The following SWAP70 variants were observed in gnomAD, a reference collection of about 807,000 sequenced individuals.
SWAP70 encodes the protein switch-associated protein 70.
A neutral mutation model predicts 80.2 loss-of-function variants in SWAP70; 34 were observed. The ratio of observed to expected loss-of-function variants is 0.42; its 90% CI spans 0.32 to 0.56. SWAP70 has a LOEUF of 0.56. SWAP70 is among the 20% of genes least tolerant of loss of function. The pLI is 0.09. For synonymous variants in SWAP70, 239 were observed against 238.5 expected, an observed-to-expected ratio of 1.00 and a Z score of -0.02; for missense variants, 578 against 690.7, an observed-to-expected ratio of 0.84 and a Z score of 1.83.
At chr11:9,715,862 T>G (rs1348104999) in intron 3 of SWAP70, among the ~76,000 whole-genome samples, 1 of 152,232 alleles carries the variant, frequency 6.6e-6, no homozygotes, top group African/African-American at 2.4e-5. Context: ...TTCCTGGAAC[T>G]GTTCTTCCTA....
In SWAP70 at chr11:9,664,233, A is replaced by C; in HGVS notation, c.54A>C (p.Ala18=). 1 of 1,595,296 alleles carries C rather than the reference A, an allele frequency of 6.3e-7. No homozygotes were observed. Among genetic ancestry groups the C allele is most frequent in the Non-Finnish European group, 8.5e-7 (1 of 1,171,622 alleles). The change falls in exon 1 of 12, where the codon GCA becomes GCC. Residue 18 remains alanine, a synonymous_variant. Coordinates refer to ENST00000318950, the MANE Select transcript of SWAP70 (RefSeq NM_015055.4). ...LLKAIWHAFT[A]LDQDHSGKVS... ...AAGCCATCTGGCACGCCTTCACCGC[A>C]CTCGACCAGGACCACAGCGGCAAGG...
chr11:9,744,119 C>T (rs367700174), intron 9 of SWAP70, among the ~76,000 whole-genome samples: 7 of 152,052 alleles, frequency 4.6e-5, no homozygotes, highest in Non-Finnish European at 1.0e-4. Flanking sequence ...CCTGCCACCA[C>T]GCCCAGCTAA....
At position 9,750,037 on chromosome 11, in the gene SWAP70, CAAAAG is replaced by C. The variant is rs1268351267; in HGVS notation, c.*71_*75del. The C allele has an allele frequency of 1.0e-5, 12 of 1,164,718 alleles. No individual in the cohort carries two copies. The highest frequency in any genetic ancestry group is 1.4e-5 in the Non-Finnish European group (11 of 787,144). The allele number at this position is 1,164,718 out of a possible 1,614,324, so 72.1% of individuals were successfully genotyped here. A position where few individuals can be genotyped will look rare whatever the true frequency, so the allele number is the denominator to read the frequency against. On this transcript the variant is annotated 3_prime_UTR_variant, in exon 12 of 12. Coordinates refer to ENST00000318950, the MANE Select transcript of SWAP70 (RefSeq NM_015055.4). Reference sequence around the variant, plus strand: ...TGGCAGGAGAGCTTTACGCTAAAGACAAAAGAAACAGCTTTGGGGGCCGGGCGTGG... The same window carrying C: ...TGGCAGGAGAGCTTTACGCTAAAGACAAACAGCTTTGGGGGCCGGGCGTGG...
intron 4 of SWAP70, among the ~76,000 whole-genome samples, chr11:9,725,569 A>ATATTTTT (rs1554892086): frequency 7.5e-5 from 2 of 26,616 alleles, no homozygotes; most frequent in African/African-American, 3.1e-4. Context: ...ATATATATAT[A>ATATTTTT]TTTTTTTTTT....
intron 2 of SWAP70, among the ~76,000 whole-genome samples, chr11:9,709,749 A>T (rs577438180): frequency 6.6e-6 from 1 of 152,166 alleles, no homozygotes; most frequent in East Asian, 1.9e-4. Flanking sequence ...TTGGCCTCCT[A>T]AAGTGCTGGA....
chr11:9,681,932 T>C (rs749696700), intron 1 of SWAP70, among the ~76,000 whole-genome samples: 2 of 151,926 alleles, frequency 1.3e-5, no homozygotes, highest in South Asian at 4.1e-4. Flanking sequence ...GAGAGAGGAG[T>C]TGGGGAGTAA....
intron 1 of SWAP70, among the ~76,000 whole-genome samples, chr11:9,682,108 G>T (rs1850574629): frequency 6.6e-6 from 1 of 152,164 alleles, no homozygotes; most frequent in South Asian, 2.1e-4. Context: ...GTTATATCCT[G>T]AGGAGTAGTT....
chr11:9,732,686 G>T lies in SWAP70; in HGVS notation c.1056G>T (p.Gln352His), dbSNP rs1260777243. 3 of 1,555,106 alleles carry T rather than the reference G, an allele frequency of 1.9e-6. No individual in the cohort carries two copies. The highest frequency in any genetic ancestry group is 2.4e-5 in the East Asian group (1 of 41,410). The change falls in exon 7 of 12, where the codon CAG (glutamine) becomes CAT (histidine). Residue 352 changes from glutamine to histidine, a missense_variant. Gln to His is a conservative substitution (Grantham distance 24). Transcript: ENST00000318950. ...TCCAGGCCGCCAACGAAAGCAAGCA[G>T]CAGGAGCTGGAGGCCGTGCGGAAGG... ...KELQAANESK[Q>H]QELEAVRKKL...
At chr11:9,703,226 C>T (rs1850855648) in intron 2 of SWAP70, among the ~76,000 whole-genome samples, 1 of 152,208 alleles carries the variant, frequency 6.6e-6, no homozygotes, top group Non-Finnish European at 1.5e-5. Flanking sequence ...ATAATGTTTT[C>T]AGGGTTCATC....
chr11:9,710,001 G>A (rs1476988807), intron 2 of SWAP70, among the ~76,000 whole-genome samples: 1 of 152,122 alleles, frequency 6.6e-6, no homozygotes, highest in Non-Finnish European at 1.5e-5. Flanking sequence ...TTCATTCAGT[G>A]GAAGTGGATC....
chr11:9,680,186 T>C (rs923234510), intron 1 of SWAP70, among the ~76,000 whole-genome samples: 2 of 152,154 alleles, frequency 1.3e-5, no homozygotes, highest in African/African-American at 2.4e-5. Flanking sequence ...TTGTGTGATG[T>C]AGTCAAGAAG....
At position 9,729,583 on chromosome 11, in the gene SWAP70, C is replaced by G. The variant is rs900615052; in HGVS notation, c.898+132C>G. 16 of 677,200 alleles carry G rather than the reference C, an allele frequency of 2.4e-5. No homozygotes were observed. In the Admixed American group the frequency reaches 4.3e-4, roughly 18 times the overall value. 41.9% of individuals were successfully genotyped at this position (677,200 alleles called of 1,614,324 possible). ...GTGCTATCTTGGCTTACTGCAACCTCCACCTCCTGGGTTCAAGCAATTATC... is the reference window on the plus strand; with the variant it reads ...GTGCTATCTTGGCTTACTGCAACCTGCACCTCCTGGGTTCAAGCAATTATC... On this transcript the variant is annotated intron_variant, in intron 6 of 11. Coordinates refer to ENST00000318950, the MANE Select transcript of SWAP70 (RefSeq NM_015055.4).
intron 7 of SWAP70, among the ~76,000 whole-genome samples, chr11:9,733,726 C>CT (rs1216698313): frequency 6.6e-6 from 1 of 152,186 alleles, no homozygotes; most frequent in African/African-American, 2.4e-5. Context: ...AAAGGTTACG[C>CT]TGAGCACCTG....
At chr11:9,708,276 G>A (rs1442125507) in intron 2 of SWAP70, among the ~76,000 whole-genome samples, 4 of 152,228 alleles carry the variant, frequency 2.6e-5, no homozygotes, top group African/African-American at 2.4e-5. Flanking sequence ...GCAAGGGTTC[G>A]AATTTCTCCA....
chr11:9,690,391 A>G (rs1428308577), intron 1 of SWAP70, among the ~76,000 whole-genome samples: 3 of 152,176 alleles, frequency 2.0e-5, no homozygotes, highest in Non-Finnish European at 4.4e-5. Flanking sequence ...CAGTCTGGCC[A>G]ACATGGTGAA....
chr11:9,733,248 G>T (rs1257125925), intron 7 of SWAP70, among the ~76,000 whole-genome samples: 1 of 152,166 alleles, frequency 6.6e-6, no homozygotes, highest in Non-Finnish European at 1.5e-5. Flanking sequence ...CACTTCCTCG[G>T]TTATGTCGTG....
chr11:9,701,689 CTCTT>C (rs1282256873), intron 2 of SWAP70, among the ~76,000 whole-genome samples: 2 of 86,618 alleles, frequency 2.3e-5, no homozygotes, highest in African/African-American at 3.9e-5. Context: ...CTTTTGTGGG[CTCTT>C]TTTTTTTTTT....
At chr11:9,704,475 A>G (rs963493450) in intron 2 of SWAP70, among the ~76,000 whole-genome samples, 1 of 151,494 alleles carries the variant, frequency 6.6e-6, no homozygotes, top group Non-Finnish European at 1.5e-5. Flanking sequence ...GCTCACTGCA[A>G]CCTCCACCTC....
chr11:9,720,421 A>G (rs1325760100), intron 3 of SWAP70: 1 of 985,316 alleles, frequency 1.0e-6, no homozygotes, highest in African/African-American at 1.7e-5. Flanking sequence ...TACAAACATA[A>G]CAAGTCATCT....
Sources: gnomAD v4.1 joint callset for allele counts (sites outside exome capture counted in the v4.1 genomes callset) on GRCh38, gnomAD v4.1.1 for gene constraint, MANE v1.5 for transcripts, NCBI Gene and HGNC (gene_info 2026-07-23, HGNC 2026-07-21) for gene names.